PRR5L: variants seen among roughly 807,000 people sequenced by gnomAD.
PRR5L encodes the protein proline rich 5 like.
In PRR5L, 21 loss-of-function variants were observed where a neutral mutation model predicts 36.4. The ratio of observed to expected loss-of-function variants is 0.58; its 90% CI spans 0.41 to 0.83. PRR5L has a LOEUF of 0.83. Among genes scored for constraint, PRR5L ranks in the 40% least tolerant of loss-of-function variants. PRR5L has a pLI of 0.00. For missense variants in PRR5L, 381 were observed against 473.3 expected, an observed-to-expected ratio of 0.80 and a Z score of 1.81; for synonymous variants, 188 against 197.0, an observed-to-expected ratio of 0.95 and a Z score of 0.38.
At chr11:36,341,011 A>G (rs765943308) in intron 1 of PRR5L, among the ~76,000 whole-genome samples, 14 of 152,216 alleles carry the variant, frequency 9.2e-5, no homozygotes, top group East Asian at 7.7e-4. Context: ...CATTTGAAAC[A>G]TAAGCCCATA....
chr11:36,342,498 T>C (rs1342467496), intron 1 of PRR5L, among the ~76,000 whole-genome samples: 1 of 152,070 alleles, frequency 6.6e-6, no homozygotes, highest in African/African-American at 2.4e-5. Flanking sequence ...AAGACATGGG[T>C]GGTATTCCAC....
chr11:36,374,850 G>A (rs1412646318), intron 1 of PRR5L, among the ~76,000 whole-genome samples: 1 of 152,212 alleles, frequency 6.6e-6, no homozygotes, highest in African/African-American at 2.4e-5. Context: ...AAGAAGAGGA[G>A]CTGCTGTGGA....
chr11:36,337,163 C>T (rs958279162), intron 1 of PRR5L, among the ~76,000 whole-genome samples: 2 of 152,080 alleles, frequency 1.3e-5, no homozygotes, highest in Admixed American at 1.3e-4. Context: ...ATGGGTCATT[C>T]CCCCATGGGT....
chr11:36,395,607 T>C (rs1426412263), intron 1 of PRR5L, among the ~76,000 whole-genome samples: 1 of 152,232 alleles, frequency 6.6e-6, no homozygotes, highest in Non-Finnish European at 1.5e-5. Context: ...TGAATGCTTA[T>C]GTTTGTTATA....
At chr11:36,387,509 A>G (rs1288426183) in intron 1 of PRR5L, among the ~76,000 whole-genome samples, 2 of 152,196 alleles carry the variant, frequency 1.3e-5, no homozygotes, top group African/African-American at 2.4e-5. Context: ...TGGGAGTTCA[A>G]ACATGGCTGA....
At chr11:36,312,058 G>C (rs550094973) in intron 1 of PRR5L, among the ~76,000 whole-genome samples, 223 of 152,268 alleles carry the variant, frequency 1.5e-3, no homozygotes, top group Non-Finnish European at 2.6e-3. Context: ...ATGAAATTTG[G>C]AAAGAATCAC....
intron 1 of PRR5L, among the ~76,000 whole-genome samples, chr11:36,336,325 G>C (rs1480158609): frequency 6.6e-6 from 1 of 152,026 alleles, no homozygotes; most frequent in African/African-American, 2.4e-5. Flanking sequence ...CTTCTCCTGG[G>C]CTCAAGCAAT....
At chr11:36,441,073 G>A (rs886432210) in intron 6 of PRR5L, among the ~76,000 whole-genome samples, 7 of 152,134 alleles carry the variant, frequency 4.6e-5, no homozygotes, top group African/African-American at 1.7e-4. Context: ...GTTTGGAGGG[G>A]ACAAATATCT....
At chr11:36,351,449 T>TTATATATTTATATATACA (rs1554987155) in intron 1 of PRR5L, among the ~76,000 whole-genome samples, 486 of 40,928 alleles carry the variant, frequency 0.012, 50 homozygotes, top group African/African-American at 0.049. Flanking sequence ...ACATATATAT[T>TTATATATTTATATATACA]TATATATTTA....
At chr11:36,328,495 C>T (rs1044300789) in intron 1 of PRR5L, among the ~76,000 whole-genome samples, 2 of 152,128 alleles carry the variant, frequency 1.3e-5, no homozygotes, top group African/African-American at 2.4e-5. Flanking sequence ...TGTGGAGTGC[C>T]TTGCTCCCTC....
intron 2 of PRR5L, among the ~76,000 whole-genome samples, chr11:36,402,697 C>T (rs940043022): frequency 3.3e-5 from 5 of 152,216 alleles, no homozygotes; most frequent in African/African-American, 1.2e-4. Context: ...TAAGCAGCTC[C>T]TTTGCTGAAA....
At chr11:36,387,001 T>G (rs1371303555) in intron 1 of PRR5L, among the ~76,000 whole-genome samples, 4 of 152,190 alleles carry the variant, frequency 2.6e-5, no homozygotes, top group Admixed American at 6.5e-5. Flanking sequence ...TCCAATGGGC[T>G]GGCGCAGGGG....
Position 36,440,112 on chromosome 11 carries a change from C to G in PRR5L, c.444+2636C>G, listed in dbSNP as rs568751184. 3.3e-5 allele frequency among the ~76,000 whole-genome samples: 5 copies of G among 152,248 alleles called. No homozygotes were observed. In the South Asian group the frequency reaches 1.0e-3, roughly 32 times the overall value. ...TGTTTATGTGGCAGGTTGGTATAAA[C>G]CGGGTACCCCATACCCTCCCTTAAA... On this transcript the variant is annotated intron_variant, in intron 6 of 8. Coordinates refer to ENST00000530639, the MANE Select transcript of PRR5L (RefSeq NM_001160167.2).
intron 1 of PRR5L, among the ~76,000 whole-genome samples, chr11:36,338,053 T>C (rs1856785075): frequency 6.6e-6 from 1 of 152,228 alleles, no homozygotes; most frequent in Non-Finnish European, 1.5e-5. Flanking sequence ...TTAAGTCTTA[T>C]TCTTTAGAAC....
intron 6 of PRR5L, among the ~76,000 whole-genome samples, chr11:36,445,045 G>T (rs1322862255): frequency 6.6e-6 from 1 of 152,214 alleles, no homozygotes; most frequent in Non-Finnish European, 1.5e-5. Flanking sequence ...AACATAATGT[G>T]AGCTCTATTT....
chr11:36,330,152 G>A (rs1162062178), intron 1 of PRR5L, among the ~76,000 whole-genome samples: 1 of 152,132 alleles, frequency 6.6e-6, no homozygotes, highest in East Asian at 1.9e-4. Flanking sequence ...GAATTCTGCA[G>A]GGCTTATAGA....
intron 1 of PRR5L, among the ~76,000 whole-genome samples, chr11:36,306,131 G>T (rs1045517963): frequency 6.6e-5 from 10 of 151,808 alleles, no homozygotes; most frequent in African/African-American, 2.2e-4. Flanking sequence ...TAAGTTCTAG[G>T]GTACATGTGC....
intron 1 of PRR5L, among the ~76,000 whole-genome samples, chr11:36,300,290 T>G (rs1856361094): frequency 6.6e-6 from 1 of 151,970 alleles, no homozygotes; most frequent in African/African-American, 2.4e-5. Context: ...TGGCAGAAGG[T>G]GAGGGGGGAG....
chr11:36,327,354 C>T (rs997489731), intron 1 of PRR5L, among the ~76,000 whole-genome samples: 1 of 152,174 alleles, frequency 6.6e-6, no homozygotes, highest in Non-Finnish European at 1.5e-5. Flanking sequence ...CACAACCAAT[C>T]AGCATTAACA....
Sources: gnomAD v4.1 joint callset for allele counts (sites outside exome capture counted in the v4.1 genomes callset) on GRCh38, gnomAD v4.1.1 for gene constraint, MANE v1.5 for transcripts, NCBI Gene and HGNC (gene_info 2026-07-23, HGNC 2026-07-21) for gene names.